The following MET variants were observed in gnomAD, a reference collection of about 807,000 sequenced individuals.
MET encodes MET proto-oncogene, receptor tyrosine kinase, also known as hepatocyte growth factor receptor.
Under a neutral mutation model 133.1 loss-of-function variants are expected in MET, and 48 were observed. That is an observed-to-expected ratio of 0.36 (90% CI 0.29 to 0.46). The LOEUF is 0.46. Among genes scored for constraint, MET ranks in the 20% least tolerant of loss-of-function variants. MET has a pLI of 1.00. For missense variants in MET, 1,442 were observed against 1,695.9 expected (o/e 0.85, Z 2.63); for synonymous variants, 628 against 616.5 (o/e 1.02, Z -0.28).
rs749383450 is a variant in MET, at chr7:116,699,390, C to T, written c.306C>T (p.Ser102=). 6.2e-7 allele frequency: 1 copy of T among 1,614,058 alleles called. No individual in the cohort carries two copies. Among genetic ancestry groups the T allele is most frequent in the Non-Finnish European group, 8.5e-7 (1 of 1,179,956 alleles). ...HPDCFPCQDC[S]SKANLSGGVW... ...ATTGTTTCCCATGTCAGGACTGCAGCAGCAAAGCCAATTTATCAGGAGGTG... is the reference window on the plus strand; with the variant it reads ...ATTGTTTCCCATGTCAGGACTGCAGTAGCAAAGCCAATTTATCAGGAGGTG... Residue 102 remains serine (S), a synonymous_variant, in exon 2 of 21, where the codon AGC becomes AGT. Transcript: ENST00000397752.
intron 1 of MET, chr7:116,695,827 T>C (rs1796942783): frequency 2.1e-6 from 1 of 475,340 alleles, no homozygotes; most frequent in Non-Finnish European, 4.3e-6. Flanking sequence ...GTTCTTGTTA[T>C]TTTTATTATT....
rs1260859495 is a variant in MET at position 116,755,344 on chromosome 7, T to C, written c.1702-11T>C. The C allele has an allele frequency of 3.1e-6, 5 of 1,613,982 alleles. No individual in the cohort carries two copies. The highest frequency in any genetic ancestry group is 4.2e-6 in the Non-Finnish European group (5 of 1,179,902). On this transcript the variant is annotated splice_polypyrimidine_tract_variant and intron_variant, in intron 5 of 20. Coordinates refer to ENST00000397752, the MANE Select transcript of MET (RefSeq NM_000245.4). ...TTGGGTTTTTTTAAAAGTTCTATGT[T>C]GTCCTTGTAGGTTTTCCCAAATAGT...
intron 3 of MET, among the ~76,000 whole-genome samples, chr7:116,736,411 A>G (rs58086374): frequency 0.072 from 11,023 of 152,202 alleles, 643 homozygotes; most frequent in African/African-American, 0.15. Context: ...TGGGGGAGGT[A>G]TACAGAAACT....
At chr7:116,684,531 G>C (rs2116496410) in intron 1 of MET, among the ~76,000 whole-genome samples, 1 of 152,350 alleles carries the variant, frequency 6.6e-6, no homozygotes, top group South Asian at 2.1e-4. Flanking sequence ...TAGAAGGTAA[G>C]AGATGCATCA....
chr7:116,754,939 GAAAGAAAGAAAGAGAA>G (rs1170429295), intron 5 of MET, among the ~76,000 whole-genome samples: 4 of 122,668 alleles, frequency 3.3e-5, no homozygotes, highest in Admixed American at 2.7e-4. Flanking sequence ...AAGAAAGAAA[GAAAGAAAGAAAGAGAA>G]AGAAAGAGAA....
intron 8 of MET, 36 bp from the exon 9 acceptor site, chr7:116,758,423 T>C (rs140818026): frequency 6.3e-7 from 1 of 1,586,028 alleles, no homozygotes; most frequent in East Asian, 2.2e-5. Context: ...GTATCTCTAA[T>C]AGCTAAAATT....
At chr7:116,757,278 G>T (rs528157054) in intron 6 of MET, among the ~76,000 whole-genome samples, 159 bp from the exon 7 acceptor site, 16 of 152,104 alleles carry the variant, frequency 1.1e-4, no homozygotes, top group African/African-American at 3.6e-4. Context: ...TATAGAAATA[G>T]GATTATATAA....
intron 6 of MET, 72 bp from the exon 7 acceptor site, chr7:116,757,365 C>A: frequency 8.0e-7 from 1 of 1,256,226 alleles, no homozygotes; most frequent in Non-Finnish European, 1.2e-6. Context: ...GTTAATGTCA[C>A]TTCCTATAAA....
chr7:116,724,267 T>G (rs1352863206), intron 2 of MET: 4 of 170,342 alleles, frequency 2.3e-5, no homozygotes, highest in African/African-American at 7.2e-5. Flanking sequence ...TGTCACCCCT[T>G]TCTTTGATCC....
intron 2 of MET, among the ~76,000 whole-genome samples, chr7:116,730,678 G>A (rs567999341): frequency 6.6e-5 from 10 of 152,278 alleles, no homozygotes; most frequent in Non-Finnish European, 1.2e-4. Flanking sequence ...TGGGGGCGGA[G>A]GGAGAGGGAG....
intron 19 of MET, among the ~76,000 whole-genome samples, chr7:116,793,061 C>A (rs1795559354): frequency 6.6e-6 from 1 of 152,208 alleles, no homozygotes; most frequent in African/African-American, 2.4e-5. Context: ...TAACTGGCCT[C>A]CATATTGTGA....
In MET at chr7:116,771,870, G is replaced by C. The variant is rs45607832; in HGVS notation, c.2909G>C (p.Arg970Pro). Residue 970 changes from arginine to proline, a missense_variant, in exon 14 of 21, where the codon CGC becomes CCC. Arg to Pro is a moderately radical substitution (Grantham distance 103). This residue lies in a region of MET where 514 missense variants were observed against 659.6 expected (regional missense o/e 0.78). Coordinates refer to ENST00000397752, the MANE Select transcript of MET (RefSeq NM_000245.4). ...QIKDLGSELV[R>P]YDARVHTPHL... is the part of the protein sequence containing the mutation. Reference sequence around the variant, plus strand: ...TAAGATCTGGGCAGTGAATTAGTTCGCTACGATGCAAGAGTACACACTCCT... The same window carrying C: ...TAAGATCTGGGCAGTGAATTAGTTCCCTACGATGCAAGAGTACACACTCCT... 1 of 1,613,734 alleles carries C rather than the reference G, an allele frequency of 6.2e-7. No individual in the cohort carries two copies. Among genetic ancestry groups the C allele is most frequent in the Non-Finnish European group, 8.5e-7 (1 of 1,179,826 alleles).
intron 1 of MET, among the ~76,000 whole-genome samples, chr7:116,678,944 G>A (rs910520684): frequency 2.6e-5 from 4 of 152,066 alleles, no homozygotes; most frequent in Admixed American, 6.6e-5. Context: ...TTTGCTAAGC[G>A]TCAATAAACA....
chr7:116,688,642 A>G (rs1796662185), intron 1 of MET, among the ~76,000 whole-genome samples: 1 of 152,242 alleles, frequency 6.6e-6, no homozygotes, highest in Non-Finnish European at 1.5e-5. Flanking sequence ...ACTTTCAACC[A>G]TTCTTAAAAG....
chr7:116,727,122 G>T (rs1792824311), intron 2 of MET, among the ~76,000 whole-genome samples: 1 of 152,188 alleles, frequency 6.6e-6, no homozygotes, highest in African/African-American at 2.4e-5. Context: ...GAATGCGAGT[G>T]GTTATCTCTG....
intron 19 of MET, among the ~76,000 whole-genome samples, chr7:116,789,082 C>A (rs956975159): frequency 2.6e-5 from 4 of 152,050 alleles, no homozygotes; most frequent in African/African-American, 9.7e-5. Context: ...ATTATTGTAA[C>A]CCTCATTTTT....
At chr7:116,744,093 GA>G (rs1793565461) in intron 5 of MET, among the ~76,000 whole-genome samples, 2 of 152,144 alleles carry the variant, frequency 1.3e-5, no homozygotes, top group Non-Finnish European at 2.9e-5. Flanking sequence ...AACCAGCGCA[GA>G]AAGGCTGAAA....
intron 5 of MET, among the ~76,000 whole-genome samples, chr7:116,754,840 GA>G (rs1229220149): frequency 6.9e-6 from 1 of 145,026 alleles, no homozygotes; most frequent in Admixed American, 7.1e-5. Flanking sequence ...AAGAAAGAAG[GA>G]AGAAAGGAAG....
chr7:116,719,008 A>G (rs1584899051), intron 2 of MET, among the ~76,000 whole-genome samples: 1 of 136,476 alleles, frequency 7.3e-6, no homozygotes, highest in East Asian at 2.1e-4. Flanking sequence ...GTATATACCC[A>G]GTAATGGGAT....
Sources: allele counts gnomAD v4.1 joint callset (sites outside exome capture counted in the v4.1 genomes callset), GRCh38; gene constraint gnomAD v4.1.1; regional missense constraint gnomAD v4.1.1; transcripts MANE v1.5; gene names NCBI Gene and HGNC (gene_info 2026-07-23, HGNC 2026-07-21).